LTN1: variants seen among roughly 807,000 people sequenced by gnomAD.
The protein encoded by LTN1 is E3 ubiquitin-protein ligase listerin.
LTN1 carries 88 observed loss-of-function variants against 201.2 expected under a neutral mutation model. The observed-to-expected ratio is 0.44, with a 90% CI of 0.37 to 0.52. The LOEUF (loss-of-function observed/expected upper bound fraction) is 0.52. Among genes scored for constraint, LTN1 ranks in the 20% least tolerant of loss-of-function variants. The probability of loss-of-function intolerance (pLI) is 0.00; values close to 1 mark genes in which losing one functional copy is unlikely to be tolerated. For synonymous variants in LTN1, 645 were observed against 713.5 expected (o/e 0.90, Z 1.53); for missense variants, 1,752 against 2,038.7 (o/e 0.86, Z 2.71).
At chr21:28,972,758 A>G (rs1184996546) in intron 6 of LTN1, among the ~76,000 whole-genome samples, 1 of 152,220 alleles carries the variant, frequency 6.6e-6, no homozygotes, top group Non-Finnish European at 1.5e-5. Context: ...ACCTAGAGAT[A>G]ATAGCTGAGA....
chr21:28,957,289 C>A, intron 15 of LTN1, 43 bp downstream of exon 15: 1 of 1,500,618 alleles, frequency 6.7e-7, no homozygotes, highest in Non-Finnish European at 8.9e-7. Flanking sequence ...GCATGAAATC[C>A]AAACTTCAGA....
At chr21:28,985,397 T>C (rs1242329005) in intron 3 of LTN1, among the ~76,000 whole-genome samples, 1 of 151,216 alleles carries the variant, frequency 6.6e-6, no homozygotes, top group East Asian at 2.0e-4. Flanking sequence ...GGAGACAAGG[T>C]TGCAGTGAAC....
chr21:28,966,815 T>C lies in LTN1; in HGVS notation c.1676A>G (p.Glu559Gly), dbSNP rs1020123982. The C allele has an allele frequency of 3.7e-6, 6 of 1,612,458 alleles. No homozygotes were observed. In the African/African-American group the frequency reaches 6.7e-5, roughly 18 times the overall value. ...NKENEKCVSS[E>G]GEKIEGWELT... ...TTCCCAGCCTTCAATCTTCTCTCCT[T>C]CTGAAGATACACATTTTTCATTCTC... The change falls in exon 10 of 30, where the codon GAA becomes GGA. Residue 559 changes from glutamate to glycine, a missense_variant. Physicochemically the swap from Glu to Gly is moderately conservative, Grantham distance 98 (BLOSUM62 -2). Coordinates refer to ENST00000361371, the MANE Select transcript of LTN1 (RefSeq NM_015565.3).
chr21:28,945,218 C>A (rs960941929), intron 21 of LTN1, among the ~76,000 whole-genome samples: 2 of 151,842 alleles, frequency 1.3e-5, no homozygotes, highest in African/African-American at 4.8e-5. Flanking sequence ...GAGATTCTAT[C>A]TCAAATTTAA....
At chr21:28,961,336 T>C (rs2084477254) in intron 11 of LTN1, 1 of 154,622 alleles carries the variant, frequency 6.5e-6, no homozygotes. Context: ...AACAATGGGA[T>C]TTATTTCCCC....
intron 6 of LTN1, among the ~76,000 whole-genome samples, chr21:28,977,930 A>G (rs1017406697): frequency 1.3e-5 from 2 of 151,796 alleles, no homozygotes; most frequent in African/African-American, 4.8e-5. Flanking sequence ...TCTGTCTCAA[A>G]AAAAAAAAAA....
intron 1 of LTN1, among the ~76,000 whole-genome samples, chr21:28,988,496 G>C (rs1185098370): frequency 2.0e-5 from 3 of 151,526 alleles, no homozygotes; most frequent in African/African-American, 7.3e-5. Context: ...CTAATACCTA[G>C]CAAAAGTGTG....
rs575396927 is a variant in LTN1 at position 28,978,738 on chromosome 21, AT to A, written c.810+2380del. ...AAAGATAATCTGTCATGAGATTAGA[AT>A]TTTTAAAAAAGACAAAAAGACTAAT... On this transcript the variant is annotated intron_variant, in intron 6 of 29. Transcript: ENST00000361371. Among the ~76,000 whole-genome samples, 17 of 152,258 alleles carry A rather than the reference AT, an allele frequency of 1.1e-4. No individual in the cohort carries two copies. In the East Asian group the frequency reaches 1.9e-3, roughly 17 times the overall value.
intron 6 of LTN1, among the ~76,000 whole-genome samples, chr21:28,978,205 A>AT (rs1247859791): frequency 6.6e-6 from 1 of 151,988 alleles, no homozygotes; most frequent in East Asian, 1.9e-4. Flanking sequence ...TTTTTTAATT[A>AT]TTTTTTTGTA....
At chr21:28,977,273 C>T (rs2084622616) in intron 6 of LTN1, among the ~76,000 whole-genome samples, 1 of 151,108 alleles carries the variant, frequency 6.6e-6, no homozygotes, top group African/African-American at 2.4e-5. Flanking sequence ...ACTCGAGAGG[C>T]TGAGGCAGGA....
intron 18 of LTN1, among the ~76,000 whole-genome samples, chr21:28,950,760 C>A (rs1186633380): frequency 6.6e-6 from 1 of 152,156 alleles, no homozygotes; most frequent in African/African-American, 2.4e-5. Context: ...GCTGTCCTCT[C>A]ACTTTGGCCT....
intron 13 of LTN1, 58 bp from the exon 14 acceptor site, chr21:28,958,597 C>T (rs2084446908): frequency 1.5e-6 from 2 of 1,290,438 alleles, no homozygotes. Context: ...CTCATCAGCA[C>T]AAAATGTTTG....
chr21:28,933,259 T>C (rs1222660561), intron 27 of LTN1, among the ~76,000 whole-genome samples: 4 of 152,180 alleles, frequency 2.6e-5, no homozygotes, highest in South Asian at 2.1e-4. Flanking sequence ...ACTAAATCAC[T>C]AGCACAAAAT....
At chr21:28,963,385 A>C (rs1305016913) in intron 11 of LTN1, among the ~76,000 whole-genome samples, 2 of 152,236 alleles carry the variant, frequency 1.3e-5, no homozygotes, top group Non-Finnish European at 2.9e-5. Flanking sequence ...CCTTATGCTA[A>C]ATCTACTTTG....
chr21:28,987,909 C>G (rs1047487822), intron 1 of LTN1, among the ~76,000 whole-genome samples: 3 of 151,862 alleles, frequency 2.0e-5, no homozygotes, highest in Non-Finnish European at 4.4e-5. Flanking sequence ...TTTGGAAGGC[C>G]AAGGCGGGCA....
At chr21:28,976,750 ATG>A (rs1224602058) in intron 6 of LTN1, among the ~76,000 whole-genome samples, 2 of 152,132 alleles carry the variant, frequency 1.3e-5, no homozygotes, top group Non-Finnish European at 2.9e-5. Context: ...AATTCAACAA[ATG>A]TACTGGAATT....
At chr21:28,933,059 T>C (rs73342743) in intron 27 of LTN1, among the ~76,000 whole-genome samples, 2,328 of 152,324 alleles carry the variant, frequency 0.015, 50 homozygotes, top group African/African-American at 0.053. Flanking sequence ...TCCTGAGCTT[T>C]GGAGCCAACT....
intron 17 of LTN1, 32 bp downstream of exon 17, chr21:28,953,185 C>A (rs1364578558): frequency 7.3e-6 from 11 of 1,506,234 alleles, no homozygotes; most frequent in South Asian, 1.4e-5. Context: ...GTAGCATAGT[C>A]ATTTTAAAAA....
chr21:28,933,661 T>TTC (rs67814193), intron 27 of LTN1, among the ~76,000 whole-genome samples: 45 of 151,274 alleles, frequency 3.0e-4, no homozygotes, highest in Middle Eastern at 3.4e-3. Context: ...TGCAATACTA[T>TTC]TCTCTCTCTC....
Sources: allele counts gnomAD v4.1 joint callset (sites outside exome capture counted in the v4.1 genomes callset), GRCh38; gene constraint gnomAD v4.1.1; transcripts MANE v1.5; gene names NCBI Gene and HGNC (gene_info 2026-07-23, HGNC 2026-07-21).